The following APP variants were observed in gnomAD, a reference collection of about 807,000 sequenced individuals.
The protein encoded by APP is amyloid-beta precursor protein.
A neutral mutation model predicts 101.4 loss-of-function variants in APP; 31 were observed. The ratio of observed to expected loss-of-function variants is 0.31; its 90% CI spans 0.23 to 0.41. The LOEUF (loss-of-function observed/expected upper bound fraction) is 0.41. Ranked by LOEUF, APP falls within the 10% of genes least tolerant of loss-of-function variation. APP has a pLI of 1.00. For synonymous variants in APP, 366 were observed against 364.4 expected (o/e 1.00, Z -0.05); for missense variants, 839 against 1,003.7 (o/e 0.84, Z 2.22).
chr21:26,099,891 G>C (rs1425951218), intron 2 of APP, among the ~76,000 whole-genome samples: 1 of 152,190 alleles, frequency 6.6e-6, no homozygotes, highest in Non-Finnish European at 1.5e-5. Flanking sequence ...ATGCTGCAGG[G>C]CGTTAGAATA....
At chr21:26,162,904 T>A (rs1193060262) in intron 1 of APP, among the ~76,000 whole-genome samples, 1 of 112,354 alleles carries the variant, frequency 8.9e-6, no homozygotes, top group Non-Finnish European at 1.7e-5. Flanking sequence ...AAAAAAAGCA[T>A]CAGGCAAAAA....
intron 6 of APP, among the ~76,000 whole-genome samples, chr21:26,012,358 T>C (rs1324628167): frequency 6.6e-6 from 1 of 152,160 alleles, no homozygotes; most frequent in Non-Finnish European, 1.5e-5. Context: ...TTTGGGCTGC[T>C]GTCTTGAAAA....
At chr21:25,924,863 G>A (rs546952712) in intron 13 of APP, among the ~76,000 whole-genome samples, 3 of 150,948 alleles carry the variant, frequency 2.0e-5, no homozygotes, top group African/African-American at 4.9e-5. Flanking sequence ...GTCTAGGATC[G>A]AACCTCCACT....
At chr21:25,999,217 G>A (rs548391514) in intron 7 of APP, among the ~76,000 whole-genome samples, 11 of 152,222 alleles carry the variant, frequency 7.2e-5, no homozygotes, top group South Asian at 4.2e-4. Flanking sequence ...ACTTGAACCC[G>A]GGAGGCGGAG....
At chr21:26,099,030 G>A (rs1162998869) in intron 2 of APP, among the ~76,000 whole-genome samples, 3 of 152,120 alleles carry the variant, frequency 2.0e-5, no homozygotes, top group Non-Finnish European at 2.9e-5. Context: ...ACAGATAGAT[G>A]GGAGGGTTCA....
At chr21:26,108,741 CG>C (rs923692618) in intron 2 of APP, among the ~76,000 whole-genome samples, 7 of 151,668 alleles carry the variant, frequency 4.6e-5, no homozygotes, top group African/African-American at 1.7e-4. Context: ...AAAAAAATCC[CG>C]GCGTGGTGGC....
chr21:25,900,617 T>C (rs578139347), intron 15 of APP, among the ~76,000 whole-genome samples: 1 of 152,184 alleles, frequency 6.6e-6, no homozygotes, highest in East Asian at 1.9e-4. Context: ...ACTATATTTC[T>C]GAGATTTTTA....
chr21:26,036,580 G>A (rs997274946), intron 5 of APP, among the ~76,000 whole-genome samples: 5 of 152,176 alleles, frequency 3.3e-5, no homozygotes, highest in Admixed American at 6.5e-5. Context: ...TAATACTGAT[G>A]ACAGAGCAAA....
intron 3 of APP, among the ~76,000 whole-genome samples, chr21:26,061,885 A>T (rs2046277455): frequency 6.6e-6 from 1 of 152,212 alleles, no homozygotes; most frequent in African/African-American, 2.4e-5. Context: ...TCACATACGT[A>T]CCATATACAC....
chr21:26,034,184 T>C (rs772041892), intron 5 of APP, among the ~76,000 whole-genome samples: 18 of 152,192 alleles, frequency 1.2e-4, no homozygotes, highest in Non-Finnish European at 2.5e-4. Flanking sequence ...GATACCATTA[T>C]TTAAGTAGAA....
chr21:26,056,589 G>C (rs912678769), intron 3 of APP, among the ~76,000 whole-genome samples: 18 of 125,412 alleles, frequency 1.4e-4, no homozygotes, highest in African/African-American at 4.5e-4. Context: ...TTCTGCATTA[G>C]ACTGACTATA....
intron 14 of APP, among the ~76,000 whole-genome samples, chr21:25,911,267 A>T (rs2039056217): frequency 6.6e-6 from 1 of 152,214 alleles, no homozygotes; most frequent in Admixed American, 6.5e-5. Context: ...GGAAAATAAA[A>T]ATTAGAAGAA....
chr21:26,144,473 T>C (rs949261430), intron 1 of APP, among the ~76,000 whole-genome samples: 2 of 152,242 alleles, frequency 1.3e-5, no homozygotes, highest in African/African-American at 2.4e-5. Flanking sequence ...AAACATTTTA[T>C]ATCTTAAGCA....
At chr21:26,112,169 G>A in intron 1 of APP, 23 bp from the exon 2 acceptor site, 1 of 1,612,680 alleles carries the variant, frequency 6.2e-7, no homozygotes, top group East Asian at 2.2e-5. Context: ...GCTTCAGTTA[G>A]TTATAGTATC....
chr21:25,941,674 C>G (rs1173483732), intron 13 of APP: 4 of 152,192 alleles, frequency 2.6e-5, no homozygotes, highest in Non-Finnish European at 5.9e-5. Flanking sequence ...TGGGGTTTCA[C>G]CATGTTGGTC....
intron 1 of APP, chr21:26,158,100 A>G (rs920054024): frequency 1.3e-5 from 2 of 152,236 alleles, no homozygotes; most frequent in African/African-American, 4.8e-5. Context: ...TCTAGCTGGA[A>G]GGCCTTCCCA....
At chr21:25,925,214 C>A (rs369501013) in intron 13 of APP, among the ~76,000 whole-genome samples, 125 of 336 alleles carry the variant, frequency 0.37, no homozygotes, top group African/African-American at 0.46. Flanking sequence ...CACACCAGGG[C>A]TATGAGAAAC....
At chr21:26,022,193 T>C in intron 5 of APP, 151 bp from the exon 6 acceptor site, 2 of 950,316 alleles carry the variant, frequency 2.1e-6, no homozygotes, top group Non-Finnish European at 3.3e-6. Flanking sequence ...CCCAGCTCAG[T>C]GGGTCTGCAA....
chr21:26,033,473 A>G (rs1356763536), intron 5 of APP, among the ~76,000 whole-genome samples: 1 of 152,204 alleles, frequency 6.6e-6, no homozygotes, highest in Non-Finnish European at 1.5e-5. Context: ...TTATATCTTT[A>G]TAGCAGTGTG....
Sources: gnomAD v4.1 joint callset for allele counts (sites outside exome capture counted in the v4.1 genomes callset) on GRCh38, gnomAD v4.1.1 for gene constraint, MANE v1.5 for transcripts, NCBI Gene and HGNC (gene_info 2026-07-23, HGNC 2026-07-21) for gene names.